Variants in EPG5 observed in about 807,000 individuals in gnomAD.
The protein encoded by EPG5 is ectopic P granules protein 5 homolog.
In EPG5, 159 loss-of-function variants were observed where a neutral mutation model predicts 302.7. The observed-to-expected ratio is 0.53, with a 90% CI of 0.46 to 0.60. The LOEUF (loss-of-function observed/expected upper bound fraction) is 0.60, where lower values mean the gene tolerates loss of function less well. Ranked by LOEUF, EPG5 falls within the 20% of genes least tolerant of loss-of-function variation. The probability of loss-of-function intolerance (pLI) is 0.00; values close to 1 mark genes in which losing one functional copy is unlikely to be tolerated. For synonymous variants in EPG5, 1,158 were observed against 1,136.8 expected, an observed-to-expected ratio of 1.02 and a Z score of -0.37; for missense variants, 2,896 against 3,092.4, an observed-to-expected ratio of 0.94 and a Z score of 1.51.
chr18:45,875,824 G>A (rs535963331), intron 35 of EPG5, among the ~76,000 whole-genome samples: 21 of 152,200 alleles, frequency 1.4e-4, no homozygotes, highest in Non-Finnish European at 2.1e-4. Flanking sequence ...GGAGGCCGAG[G>A]CGGGCAGATA....
chr18:45,917,651 T>C, intron 17 of EPG5, 28 bp downstream of exon 17: 1 of 1,613,108 alleles, frequency 6.2e-7, no homozygotes, highest in Non-Finnish European at 8.5e-7. Context: ...TTTAAGAGTG[T>C]CTCCTGCCAT....
At chr18:45,818,770 G>T in the EPG5 span, among the ~76,000 whole-genome samples, 1 of 113,922 alleles carries the variant, frequency 8.8e-6, no homozygotes. Flanking sequence ...GTCTTGCTCT[G>T]TCACTCAGGC....
At chr18:45,911,544 G>A (rs377424016) in intron 22 of EPG5, among the ~76,000 whole-genome samples, 225 of 151,830 alleles carry the variant, frequency 1.5e-3, no homozygotes, top group African/African-American at 5.2e-3. Context: ...CACCCGCCTC[G>A]GCCTCCCAAA....
chr18:45,902,121 G>A lies in EPG5; in HGVS notation c.4475-954C>T, dbSNP rs189896853. On this transcript the variant is annotated intron_variant, in intron 25 of 43. Coordinates refer to ENST00000282041, the MANE Select transcript of EPG5 (RefSeq NM_020964.3). ...ACTTAAGGGACTACAGTGAATTTCC[G>A]ATTACATTCCAGATGTAACATTCCA... Among the ~76,000 whole-genome samples the A allele has an allele frequency of 2.1e-4, 32 of 152,266 alleles. No individual in the cohort carries two copies. In the East Asian group the frequency reaches 2.3e-3, roughly 11 times the overall value.
intron 13 of EPG5, among the ~76,000 whole-genome samples, chr18:45,927,477 C>A (rs1476007151): frequency 1.3e-5 from 2 of 152,048 alleles, no homozygotes; most frequent in African/African-American, 4.8e-5. Flanking sequence ...GAAGTGAAAG[C>A]AAGGCCCGAA....
Position 45,865,649 on chromosome 18 carries a change from C to T in EPG5, c.6732G>A (p.Lys2244=), listed in dbSNP as rs929166393. 2 of 1,613,804 alleles carry T rather than the reference C, an allele frequency of 1.2e-6. No individual in the cohort carries two copies. Among genetic ancestry groups the T allele is most frequent in the Admixed American group, 3.3e-5 (2 of 59,966 alleles). The change falls in exon 39 of 44, where the codon AAG becomes AAA. Residue 2244 remains lysine (K), a synonymous_variant. Transcript: ENST00000282041. ...TAAAGACAATGATATCGTCTAAGAG[C>T]TTAGACATTTCCTGTTCTAGGACTG... ...TLAVLEQEMS[K]LLDDIIVFNP... is the part of the protein sequence containing the mutation.
intron 1 of EPG5, among the ~76,000 whole-genome samples, chr18:45,960,728 A>T (rs1396621131): frequency 6.6e-5 from 10 of 152,298 alleles, no homozygotes; most frequent in Admixed American, 5.2e-4. Flanking sequence ...AATTCTGGGC[A>T]TTTCATTTCT....
At chr18:45,878,943 G>A (rs899126339) in intron 33 of EPG5, 70 bp downstream of exon 33, 6 of 1,205,904 alleles carry the variant, frequency 5.0e-6, no homozygotes, top group Non-Finnish European at 4.9e-6. Context: ...ATCTCTTAAT[G>A]TGCCTATTTA....
chr18:45,838,014 C>T, the EPG5 span: 1 of 1,265,082 alleles, frequency 7.9e-7, no homozygotes, highest in Non-Finnish European at 1.0e-6. Flanking sequence ...CGAGACCCAG[C>T]CCTCTCCTCT....
chr18:45,899,357 G>T, intron 27 of EPG5, 47 bp downstream of exon 27: 1 of 1,601,752 alleles, frequency 6.2e-7, no homozygotes, highest in South Asian at 1.1e-5. Context: ...CCAACATTAC[G>T]GACTCAATTA....
At chr18:45,838,839 C>T in the EPG5 span, 6 of 1,569,834 alleles carry the variant, frequency 3.8e-6, no homozygotes, top group Non-Finnish European at 5.2e-6. Flanking sequence ...CCCTGGGCAA[C>T]AGCTTGGCAG....
chr18:45,953,331 C>T, intron 2 of EPG5: 2 of 985,290 alleles, frequency 2.0e-6, no homozygotes, highest in Non-Finnish European at 2.4e-6. Flanking sequence ...TGGATCTACC[C>T]TCATCATTCT....
chr18:45,855,270 G>A, intron 43 of EPG5: 1 of 214,424 alleles, frequency 4.7e-6, no homozygotes, highest in Non-Finnish European at 9.3e-6. Flanking sequence ...CCCTGCCCCA[G>A]CCCAAGCATG....
intron 23 of EPG5, among the ~76,000 whole-genome samples, chr18:45,908,948 CAA>C (rs200257740): frequency 3.5e-5 from 4 of 114,644 alleles, no homozygotes; most frequent in Non-Finnish European, 3.8e-5. Context: ...GACTCTGCCT[CAA>C]AAAAAAAAAA....
intron 9 of EPG5, 67 bp from the exon 10 acceptor site, chr18:45,939,822 T>G: frequency 7.0e-7 from 1 of 1,425,494 alleles, no homozygotes; most frequent in Non-Finnish European, 9.7e-7. Context: ...ATATTACATT[T>G]CCAACATTCA....
chr18:45,935,040 C>T, intron 10 of EPG5, 74 bp from the exon 11 acceptor site: 1 of 1,428,452 alleles, frequency 7.0e-7, no homozygotes, highest in Non-Finnish European at 9.5e-7. Flanking sequence ...ACCATTGGCT[C>T]TCAAGGAAAA....
intron 29 of EPG5, among the ~76,000 whole-genome samples, chr18:45,887,505 A>G (rs2049243921): frequency 6.6e-6 from 1 of 152,224 alleles, no homozygotes; most frequent in Non-Finnish European, 1.5e-5. Context: ...CACCAAGGAT[A>G]TATGACAAGT....
At chr18:45,916,267 G>A in intron 18 of EPG5, 61 bp from the exon 19 acceptor site, 4 of 1,541,162 alleles carry the variant, frequency 2.6e-6, no homozygotes, top group Non-Finnish European at 3.5e-6. Flanking sequence ...TTTTTAAATA[G>A]CAACAAAATG....
intron 2 of EPG5, 123 bp downstream of exon 2, chr18:45,954,271 T>C: frequency 2.2e-6 from 2 of 896,572 alleles, no homozygotes; most frequent in Non-Finnish European, 3.4e-6. Flanking sequence ...TTGTGATCCC[T>C]GCACTCTATT....
Sources: allele counts gnomAD v4.1 joint callset (sites outside exome capture counted in the v4.1 genomes callset), GRCh38; gene constraint gnomAD v4.1.1; transcripts MANE v1.5; gene names NCBI Gene and HGNC (gene_info 2026-07-23, HGNC 2026-07-21).